The following DCC variants were observed in gnomAD, a reference collection of about 807,000 sequenced individuals.
The protein encoded by DCC is netrin receptor DCC.
Under a neutral mutation model 172.5 loss-of-function variants are expected in DCC, and 58 were observed. That is an observed-to-expected ratio of 0.34 (90% CI 0.27 to 0.42). The LOEUF (loss-of-function observed/expected upper bound fraction) is 0.42, where lower values mean the gene tolerates loss of function less well. DCC is among the 10% of genes least tolerant of loss of function. The pLI, the probability that DCC is intolerant of heterozygous loss-of-function variation, is 1.00. For missense variants in DCC, 1,740 were observed against 1,791.0 expected, an observed-to-expected ratio of 0.97 and a Z score of 0.51; for synonymous variants, 709 against 644.5, an observed-to-expected ratio of 1.10 and a Z score of -1.52.
At chr18:52,703,271 A>C (rs1462500766) in intron 1 of DCC, among the ~76,000 whole-genome samples, 1 of 151,994 alleles carries the variant, frequency 6.6e-6, no homozygotes, top group Admixed American at 6.6e-5. Context: ...TGTCTACTGT[A>C]TCCTCTTCAA....
intron 2 of DCC, among the ~76,000 whole-genome samples, chr18:52,891,619 A>G (rs1472716621): frequency 6.6e-6 from 1 of 152,008 alleles, no homozygotes; most frequent in Non-Finnish European, 1.5e-5. Flanking sequence ...ATTTTTTGCT[A>G]TCTTCCATAC....
chr18:53,165,041 A>G (rs1442598499), intron 8 of DCC, among the ~76,000 whole-genome samples: 2 of 152,222 alleles, frequency 1.3e-5, no homozygotes, highest in African/African-American at 4.8e-5. Flanking sequence ...AAAAAGCTCC[A>G]TATAAAATAC....
chr18:53,464,543 A>G (rs1201304576), intron 24 of DCC, among the ~76,000 whole-genome samples: 1 of 152,150 alleles, frequency 6.6e-6, no homozygotes, highest in Admixed American at 6.5e-5. Flanking sequence ...AAAAAATTTT[A>G]TGCTTCAAAA....
intron 1 of DCC, among the ~76,000 whole-genome samples, chr18:52,706,095 G>C (rs1459928697): frequency 6.6e-6 from 1 of 152,154 alleles, no homozygotes; most frequent in Non-Finnish European, 1.5e-5. Context: ...GATCCCAGCA[G>C]CAGATGAGAC....
chr18:52,397,915 A>G (rs969556967), intron 1 of DCC, among the ~76,000 whole-genome samples: 5 of 152,018 alleles, frequency 3.3e-5, no homozygotes, highest in African/African-American at 7.2e-5. Context: ...TAAAAAATGT[A>G]GGAAAATATT....
chr18:52,724,926 C>A (rs1217936927), intron 1 of DCC, among the ~76,000 whole-genome samples: 1 of 152,162 alleles, frequency 6.6e-6, no homozygotes, highest in Non-Finnish European at 1.5e-5. Context: ...GTTTTCTCTT[C>A]CAGGGATGTT....
intron 1 of DCC, among the ~76,000 whole-genome samples, chr18:52,545,382 C>T (rs750399768): frequency 5.3e-5 from 8 of 152,180 alleles, no homozygotes; most frequent in African/African-American, 9.7e-5. Flanking sequence ...GGTAAGTGGA[C>T]AGGTTCTCTT....
At chr18:53,067,598 T>C (rs574985444) in intron 7 of DCC, among the ~76,000 whole-genome samples, 1 of 152,234 alleles carries the variant, frequency 6.6e-6, no homozygotes, top group East Asian at 1.9e-4. Flanking sequence ...CAACACAATT[T>C]CTTGGGAGGA....
At chr18:53,251,502 A>G in intron 12 of DCC, among the ~76,000 whole-genome samples, 1 of 151,978 alleles carries the variant, frequency 6.6e-6, no homozygotes, top group East Asian at 1.9e-4. Context: ...AATAATCAAG[A>G]ACTTGTCAAA....
At chr18:52,931,098 G>T (rs995220667) in intron 5 of DCC, among the ~76,000 whole-genome samples, 22 of 151,810 alleles carry the variant, frequency 1.4e-4, no homozygotes, top group Admixed American at 5.3e-4. Flanking sequence ...AACTACTCTA[G>T]AAGGCATAAT....
intron 5 of DCC, among the ~76,000 whole-genome samples, chr18:52,980,432 T>A (rs558856432): frequency 2.6e-5 from 4 of 152,094 alleles, no homozygotes; most frequent in South Asian, 2.1e-4. Flanking sequence ...TAGACAGTTA[T>A]AGTCAGGTCT....
At chr18:53,416,868 G>A (rs142927105) in intron 21 of DCC, among the ~76,000 whole-genome samples, 33 of 152,290 alleles carry the variant, frequency 2.2e-4, no homozygotes, top group African/African-American at 7.7e-4. Context: ...TGATAAATTA[G>A]GATTCCGTTA....
At chr18:52,547,773 G>A (rs2032658093) in intron 1 of DCC, among the ~76,000 whole-genome samples, 1 of 152,122 alleles carries the variant, frequency 6.6e-6, no homozygotes, top group Non-Finnish European at 1.5e-5. Context: ...GATGTTAAAG[G>A]GAGGACCATA....
At chr18:53,465,737 T>C (rs2045612451) in intron 24 of DCC, among the ~76,000 whole-genome samples, 1 of 151,962 alleles carries the variant, frequency 6.6e-6, no homozygotes, top group Admixed American at 6.6e-5. Flanking sequence ...CCAAAATTGA[T>C]GCTTTTCTAT....
At chr18:52,383,218 A>G (rs1985658288) in intron 1 of DCC, among the ~76,000 whole-genome samples, 1 of 152,118 alleles carries the variant, frequency 6.6e-6, no homozygotes, top group African/African-American at 2.4e-5. Context: ...TTTTCCAGAA[A>G]TGCAGTACCA....
intron 1 of DCC, among the ~76,000 whole-genome samples, chr18:52,546,584 C>G (rs1281377194): frequency 6.6e-6 from 1 of 152,072 alleles, no homozygotes; most frequent in African/African-American, 2.4e-5. Flanking sequence ...TGGGAGGCAT[C>G]TGGGCCTAGT....
chr18:53,482,589 G>A (rs2045846361), intron 25 of DCC, among the ~76,000 whole-genome samples: 2 of 151,872 alleles, frequency 1.3e-5, no homozygotes, highest in African/African-American at 4.8e-5. Context: ...TTTTCTAAAC[G>A]TACTGTGAAA....
intron 2 of DCC, among the ~76,000 whole-genome samples, chr18:52,755,774 T>C (rs55635019): frequency 0.11 from 16,251 of 152,218 alleles, 2,891 homozygotes; most frequent in African/African-American, 0.37. Flanking sequence ...AGAGCCCATA[T>C]TAAATAATGT....
chr18:52,468,170 T>C (rs765473451), intron 1 of DCC, among the ~76,000 whole-genome samples: 101 of 152,210 alleles, frequency 6.6e-4, no homozygotes, highest in Admixed American at 1.6e-3. Flanking sequence ...GCTCGTAGTC[T>C]AGTGGTACAG....
Sources: allele counts gnomAD v4.1 joint callset (sites outside exome capture counted in the v4.1 genomes callset), GRCh38; gene constraint gnomAD v4.1.1; transcripts MANE v1.5; gene names NCBI Gene and HGNC (gene_info 2026-07-23, HGNC 2026-07-21).